ARSG: variants seen among roughly 807,000 people sequenced by gnomAD.
ARSG encodes ASG.
A neutral mutation model predicts 50.5 loss-of-function variants in ARSG; 37 were observed. The ratio of observed to expected loss-of-function variants is 0.73; its 90% CI spans 0.56 to 0.96. The LOEUF (loss-of-function observed/expected upper bound fraction) is 0.96. ARSG is among the 50% of genes least tolerant of loss of function. The pLI is 0.00. For missense variants in ARSG, 629 were observed against 675.3 expected (o/e 0.93, Z 0.76); for synonymous variants, 225 against 254.6 (o/e 0.88, Z 1.11).
intron 1 of ARSG, among the ~76,000 whole-genome samples, chr17:68,270,204 T>A (rs2075291027): frequency 6.6e-6 from 1 of 152,106 alleles, no homozygotes; most frequent in Non-Finnish European, 1.5e-5. Context: ...TCAGGTGGGC[T>A]CTGAAGGTGA....
chr17:68,400,455 C>A (rs2081424051), intron 10 of ARSG: 1 of 152,208 alleles, frequency 6.6e-6, no homozygotes. Flanking sequence ...TTCTTTTGTA[C>A]CATCCTTGCT....
intron 8 of ARSG, among the ~76,000 whole-genome samples, chr17:68,380,332 C>T (rs991961550): frequency 1.3e-5 from 2 of 151,980 alleles, no homozygotes; most frequent in Non-Finnish European, 2.9e-5. Context: ...GCCTCAACCT[C>T]CTGGGCTCAA....
intron 11 of ARSG, among the ~76,000 whole-genome samples, chr17:68,403,220 T>G (rs140855862): frequency 9.8e-5 from 15 of 152,348 alleles, no homozygotes; most frequent in African/African-American, 3.1e-4. Flanking sequence ...TATTACATTA[T>G]CTAAGAGGTA....
chr17:68,338,576 A>G (rs1277871011), intron 2 of ARSG, among the ~76,000 whole-genome samples: 1 of 152,126 alleles, frequency 6.6e-6, no homozygotes, highest in Non-Finnish European at 1.5e-5. Context: ...CACGGCCAGG[A>G]GCATGGACTG....
At chr17:68,369,837 CA>C (rs780348727) in intron 7 of ARSG, among the ~76,000 whole-genome samples, 13 of 151,808 alleles carry the variant, frequency 8.6e-5, no homozygotes, top group Admixed American at 3.9e-4. Flanking sequence ...TGAAACCTTA[CA>C]AAAAGGCAAG....
rs199960742 is a variant in ARSG at position 68,343,737 on chromosome 17, G to A, written c.352G>A (p.Glu118Lys). ...VTSVGGLPLN[E>K]TTLAEVLQQA... ...TTCTGTGGGAGGCCTTCCGCTCAAC[G>A]AGACCACCTTGGCAGAGGTGCTGCA... The change falls in exon 3 of 12, where the codon GAG (glutamate) becomes AAG (lysine). Residue 118 changes from glutamate to lysine, a missense_variant. By Grantham distance (56) the Glu-to-Lys change is moderately conservative. Coordinates refer to ENST00000621439, the MANE Select transcript of ARSG (RefSeq NM_001267727.2). 4 of 1,614,028 alleles carry A rather than the reference G, an allele frequency of 2.5e-6. No individual in the cohort carries two copies. The highest frequency in any genetic ancestry group is 3.4e-6 in the Non-Finnish European group (4 of 1,180,006).
the ARSG span, chr17:68,448,185 C>T: frequency 6.6e-6 from 1 of 152,238 alleles, no homozygotes; most frequent in East Asian, 1.9e-4. Context: ...GGCAGTCCTC[C>T]CGGACACCAC....
chr17:68,317,180 C>T (rs565910078), intron 2 of ARSG, among the ~76,000 whole-genome samples: 68 of 152,182 alleles, frequency 4.5e-4, no homozygotes, highest in African/African-American at 1.6e-3. Flanking sequence ...CAGAATCTTT[C>T]GGTGACTTCA....
chr17:68,269,089 A>C (rs782385428), intron 1 of ARSG: 1 of 1,533,494 alleles, frequency 6.5e-7, no homozygotes, highest in Non-Finnish European at 8.7e-7. Flanking sequence ...TGTTGTAAGA[A>C]AGTGTGTCAT....
downstream of ARSG, among the ~76,000 whole-genome samples, chr17:68,426,935 C>T (rs1223157522): frequency 6.6e-6 from 1 of 152,108 alleles, no homozygotes; most frequent in Non-Finnish European, 1.5e-5. Flanking sequence ...GGTTTAAAGG[C>T]TATTACCATG....
At chr17:68,424,646 C>CTG, downstream of ARSG, 1 of 388,142 alleles carries the variant, frequency 2.6e-6, no homozygotes. Context: ...GAGGCCGAGA[C>CTG]GAGTGGATCA....
chr17:68,306,411 G>A (rs1464179660), intron 1 of ARSG, among the ~76,000 whole-genome samples: 1 of 152,132 alleles, frequency 6.6e-6, no homozygotes, highest in African/African-American at 2.4e-5. Context: ...AAGAATTTTA[G>A]CTGGTCATAG....
chr17:68,371,316 C>CA (rs35873473), intron 8 of ARSG, among the ~76,000 whole-genome samples: 42,842 of 85,814 alleles, frequency 0.5, 9,849 homozygotes, highest in Non-Finnish European at 0.54. Context: ...GACTCCGTCT[C>CA]AAAAAAAAAA....
Position 68,392,538 on chromosome 17 carries a change from C to A in ARSG, c.1092-2535C>A, listed in dbSNP as rs186034802. Reference sequence around the variant, plus strand: ...TTTTGGAGACAGAGTCTTGCTCTTTCACCCAGGCTGGAGTGCAGTGGTGCA... The same window carrying A: ...TTTTGGAGACAGAGTCTTGCTCTTTAACCCAGGCTGGAGTGCAGTGGTGCA... On this transcript the variant is annotated intron_variant, in intron 9 of 11. Coordinates refer to ENST00000621439, the MANE Select transcript of ARSG (RefSeq NM_001267727.2). Among the ~76,000 whole-genome samples, 535 of 152,270 alleles carry A rather than the reference C, an allele frequency of 3.5e-3. 2 individuals carry two copies. The highest frequency in any genetic ancestry group is 0.012 in the African/African-American group (505 of 41,548).
At chr17:68,438,308 C>T in the ARSG span, among the ~76,000 whole-genome samples, 3 of 152,222 alleles carry the variant, frequency 2.0e-5, no homozygotes, top group Non-Finnish European at 4.4e-5. Context: ...AGAGGCCACT[C>T]GTCCATTTCC....
intron 1 of ARSG, among the ~76,000 whole-genome samples, chr17:68,298,615 AAGAG>A (rs1163017874): frequency 4.8e-5 from 7 of 146,672 alleles, no homozygotes; most frequent in African/African-American, 8.1e-5. Flanking sequence ...AAAAAAAAAA[AAGAG>A]AAGAACACTA....
At chr17:68,447,968 G>A in the ARSG span, among the ~76,000 whole-genome samples, 1 of 122,458 alleles carries the variant, frequency 8.2e-6, no homozygotes, top group Admixed American at 9.9e-5. Context: ...CTGGGCAACA[G>A]AGTGAGACTC....
intron 5 of ARSG, among the ~76,000 whole-genome samples, chr17:68,355,750 G>GT (rs771647836): frequency 0.028 from 3,884 of 137,300 alleles, 155 homozygotes; most frequent in African/African-American, 0.091. Context: ...CCATGAGCTT[G>GT]TTTTTTTTTT....
At chr17:68,443,408 C>T in the ARSG span, among the ~76,000 whole-genome samples, 7 of 152,254 alleles carry the variant, frequency 4.6e-5, no homozygotes, top group East Asian at 7.7e-4. Flanking sequence ...CCACCGCACC[C>T]GGCTAGCTTT....
Sources: gnomAD v4.1 joint callset for allele counts (sites outside exome capture counted in the v4.1 genomes callset) on GRCh38, gnomAD v4.1.1 for gene constraint, MANE v1.5 for transcripts, NCBI Gene and HGNC (gene_info 2026-07-23, HGNC 2026-07-21) for gene names.